The following TOP6BL variants were observed in gnomAD, a reference collection of about 807,000 sequenced individuals.
The protein encoded by TOP6BL is type 2 DNA topoisomerase 6 subunit B-like.
the TOP6BL span, among the ~76,000 whole-genome samples, chr11:66,760,625 C>CAAAAAAAAA: frequency 1.8e-5 from 1 of 54,148 alleles, no homozygotes; most frequent in Non-Finnish European, 3.0e-5. Context: ...CCCATCTTTA[C>CAAAAAAAAA]AAAAAAAAAA....
the TOP6BL span, among the ~76,000 whole-genome samples, chr11:66,794,074 T>C: frequency 3.6e-4 from 52 of 144,772 alleles, no homozygotes; most frequent in Non-Finnish European, 6.8e-4. Context: ...ATCATGCCAC[T>C]GCATTCCAGC....
chr11:66,828,950 A>G, the TOP6BL span, among the ~76,000 whole-genome samples: 1 of 151,458 alleles, frequency 6.6e-6, no homozygotes, highest in African/African-American at 2.4e-5. Flanking sequence ...AAAGGTGAAA[A>G]GATAAAAGTG....
the TOP6BL span, among the ~76,000 whole-genome samples, chr11:66,834,409 A>G: frequency 2.0e-5 from 3 of 152,196 alleles, no homozygotes; most frequent in Non-Finnish European, 4.4e-5. Flanking sequence ...TTAGTGATAA[A>G]TAACTTGTTA....
the TOP6BL span, among the ~76,000 whole-genome samples, chr11:66,747,845 G>C: frequency 6.7e-6 from 1 of 148,462 alleles, no homozygotes; most frequent in Non-Finnish European, 1.5e-5. Context: ...ATCTCAAACT[G>C]TTGAGCTCAA....
chr11:66,802,839 G>C, the TOP6BL span, among the ~76,000 whole-genome samples: 156 of 152,162 alleles, frequency 1.0e-3, 1 homozygote, highest in Non-Finnish European at 1.4e-3. Context: ...ACAGGTAGCA[G>C]CTCATCATCA....
the TOP6BL span, among the ~76,000 whole-genome samples, chr11:66,803,436 A>C: frequency 6.6e-6 from 1 of 151,994 alleles, no homozygotes; most frequent in South Asian, 2.1e-4. Context: ...AAATAATAGT[A>C]ATTATTTTTC....
At chr11:66,765,755 A>G in the TOP6BL span, among the ~76,000 whole-genome samples, 1 of 152,196 alleles carries the variant, frequency 6.6e-6, no homozygotes, top group Non-Finnish European at 1.5e-5. Context: ...ACCTCAGGTG[A>G]TCCACCCGCC....
At chr11:66,751,498 A>ATTT in the TOP6BL span, among the ~76,000 whole-genome samples, 26 of 135,880 alleles carry the variant, frequency 1.9e-4, no homozygotes, top group Admixed American at 6.7e-4. Flanking sequence ...TGGCTGACTA[A>ATTT]TTTTTTTTTT....
At chr11:66,839,212 TA>T in the TOP6BL span, 11 of 456,114 alleles carry the variant, frequency 2.4e-5, no homozygotes, top group Admixed American at 2.3e-4. Flanking sequence ...TGCCAGGTAC[TA>T]TTCTGAGCTT....
chr11:66,775,669 C>T, the TOP6BL span, among the ~76,000 whole-genome samples: 2 of 152,142 alleles, frequency 1.3e-5, no homozygotes, highest in African/African-American at 4.8e-5. Flanking sequence ...GCTTTGAGTT[C>T]ACTTATGGTT....
chr11:66,827,107 G>A, the TOP6BL span, among the ~76,000 whole-genome samples: 3 of 149,360 alleles, frequency 2.0e-5, no homozygotes, highest in African/African-American at 5.0e-5. Flanking sequence ...TCAGCCTCCC[G>A]AGTATCTAGG....
the TOP6BL span, among the ~76,000 whole-genome samples, chr11:66,809,158 A>G: frequency 6.7e-3 from 1,022 of 152,332 alleles, 13 homozygotes; most frequent in African/African-American, 0.023. Flanking sequence ...GTTAGCCAGG[A>G]TGGCTGAGAC....
the TOP6BL span, chr11:66,828,655 G>C: frequency 1.1e-5 from 3 of 279,100 alleles, no homozygotes; most frequent in Non-Finnish European, 2.1e-5. Context: ...ATCTTGTCCA[G>C]AAGACACTGT....
chr11:66,843,467 G>A, the TOP6BL span: 2 of 1,422,360 alleles, frequency 1.4e-6, no homozygotes, highest in East Asian at 2.9e-5. Flanking sequence ...TGGCGGCGCT[G>A]GGCGGGGATG....
the TOP6BL span, among the ~76,000 whole-genome samples, chr11:66,765,823 TCTTA>T: frequency 6.6e-6 from 1 of 152,198 alleles, no homozygotes; most frequent in Non-Finnish European, 1.5e-5. Flanking sequence ...GCCTAGTTAT[TCTTA>T]CTAATTAGTA....
At chr11:66,826,043 T>C in the TOP6BL span, among the ~76,000 whole-genome samples, 1 of 152,006 alleles carries the variant, frequency 6.6e-6, no homozygotes, top group African/African-American at 2.4e-5. Flanking sequence ...CGGGGTTTCA[T>C]CGTGTTAGCT....
chr11:66,842,706 G>A, the TOP6BL span: 1 of 805,616 alleles, frequency 1.2e-6, no homozygotes, highest in Non-Finnish European at 1.9e-6. Context: ...ACAGCTGCAG[G>A]GTTTTGGTGT....
the TOP6BL span, among the ~76,000 whole-genome samples, chr11:66,750,997 G>A: frequency 6.6e-6 from 1 of 150,926 alleles, no homozygotes; most frequent in Non-Finnish European, 1.5e-5. Context: ...TAGCCACCAC[G>A]CCTGGCCAAG....
At chr11:66,801,117 C>G in the TOP6BL span, 8 of 1,607,424 alleles carry the variant, frequency 5.0e-6, no homozygotes, top group South Asian at 8.8e-5. Context: ...AGGCGTAAAG[C>G]CTTGTTGTCC....
Sources: gnomAD v4.1 joint callset for allele counts (sites outside exome capture counted in the v4.1 genomes callset) on GRCh38, gnomAD v4.1.1 for gene constraint, MANE v1.5 for transcripts, NCBI Gene and HGNC (gene_info 2026-07-23, HGNC 2026-07-21) for gene names.